Variants in GSDMC observed in about 807,000 individuals in gnomAD.
The protein encoded by GSDMC is gasdermin C.
In GSDMC, 59 loss-of-function variants were observed where a neutral mutation model predicts 58.0. The observed-to-expected ratio is 1.02, with a 90% confidence interval of 0.82 to 1.26. The LOEUF (loss-of-function observed/expected upper bound fraction) is 1.26, where lower values mean the gene tolerates loss of function less well. GSDMC is among the 50% of genes most tolerant of loss of function. The probability of loss-of-function intolerance (pLI) is 0.00; values close to 1 mark genes in which losing one functional copy is unlikely to be tolerated. For missense variants in GSDMC, 659 were observed against 598.5 expected (o/e 1.10, Z -1.06); for synonymous variants, 241 against 220.2 (o/e 1.09, Z -0.83).
chr8:129,708,544 T>C, the GSDMC span, among the ~76,000 whole-genome samples: 1 of 152,240 alleles, frequency 6.6e-6, no homozygotes, highest in African/African-American at 2.4e-5. Flanking sequence ...AACATTCTTA[T>C]ATTCACCAGG....
intron 1 of GSDMC, among the ~76,000 whole-genome samples, chr8:129,781,816 C>G (rs1385549592): frequency 6.6e-6 from 1 of 151,158 alleles, no homozygotes; most frequent in Non-Finnish European, 1.5e-5. Flanking sequence ...ATCTCCCAGA[C>G]AGAAAATCAA....
At chr8:129,716,911 G>A in the GSDMC span, among the ~76,000 whole-genome samples, 1 of 152,284 alleles carries the variant, frequency 6.6e-6, no homozygotes, top group South Asian at 2.1e-4. Flanking sequence ...TCATATGATG[G>A]ATTACATTTA....
Position 129,786,126 on chromosome 8 carries a change from A to G in GSDMC, c.-120T>C, listed in dbSNP as rs1188992495. Reference sequence around the variant, plus strand: ...GAGGCCGGTGGATCACGAGGTCAGGAGTTCAAGATCAGCCAGGCCAAGATG... The same window carrying G: ...GAGGCCGGTGGATCACGAGGTCAGGGGTTCAAGATCAGCCAGGCCAAGATG... On this transcript the variant is annotated 5_prime_UTR_variant, in exon 1 of 14. Coordinates refer to ENST00000276708, the MANE Select transcript of GSDMC (RefSeq NM_031415.3). 1 of 152,118 alleles carries G rather than the reference A, an allele frequency of 6.6e-6. No individual in the cohort carries two copies. Among genetic ancestry groups the G allele is most frequent in the South Asian group, 2.1e-4 (1 of 4,820 alleles). 9.4% of individuals were successfully genotyped at this position (152,118 alleles called of 1,614,324 possible).
the GSDMC span, chr8:129,729,237 G>T: frequency 1.6e-6 from 1 of 637,758 alleles, no homozygotes; most frequent in South Asian, 1.5e-5. Context: ...TATTTTCCAA[G>T]TGAAATAGGT....
At chr8:129,709,593 TA>T in the GSDMC span, among the ~76,000 whole-genome samples, 3 of 90,388 alleles carry the variant, frequency 3.3e-5, no homozygotes, top group Non-Finnish European at 8.0e-5. Context: ...AGATAGATGA[TA>T]GATAGATAGA....
chr8:129,730,524 A>G, the GSDMC span: 5 of 476,024 alleles, frequency 1.1e-5, no homozygotes, highest in Non-Finnish European at 1.6e-5. Flanking sequence ...AAATACCATT[A>G]TTCTCTTAAA....
intron 6 of GSDMC, among the ~76,000 whole-genome samples, chr8:129,755,239 T>C (rs2033380359): frequency 6.6e-6 from 1 of 151,930 alleles, no homozygotes; most frequent in African/African-American, 2.4e-5. Context: ...ACAAATAGCA[T>C]ACAATGGAGT....
At chr8:129,762,272 G>A (rs1487196682) in intron 5 of GSDMC, among the ~76,000 whole-genome samples, 1 of 152,234 alleles carries the variant, frequency 6.6e-6, no homozygotes, top group Admixed American at 6.5e-5. Flanking sequence ...CCTTGGGTAA[G>A]CCTCTGTGGC....
intron 3 of GSDMC, among the ~76,000 whole-genome samples, chr8:129,766,231 A>T (rs992414948): frequency 1.2e-4 from 18 of 152,206 alleles, no homozygotes; most frequent in Non-Finnish European, 2.4e-4. Context: ...GAGCAGACAG[A>T]TAAAGTGGAA....
At chr8:129,728,754 T>C in the GSDMC span, 1 of 493,116 alleles carries the variant, frequency 2.0e-6, no homozygotes, top group Non-Finnish European at 3.8e-6. Context: ...CAGTGCGATA[T>C]AAAACTTGCC....
At chr8:129,784,787 T>A (rs964344960) in intron 1 of GSDMC, among the ~76,000 whole-genome samples, 1 of 152,234 alleles carries the variant, frequency 6.6e-6, no homozygotes, top group Non-Finnish European at 1.5e-5. Context: ...AAGAGATATC[T>A]TCACTCCCAT....
At chr8:129,770,826 T>C (rs2034022275) in intron 3 of GSDMC, among the ~76,000 whole-genome samples, 1 of 151,764 alleles carries the variant, frequency 6.6e-6, no homozygotes. Context: ...TTTTCCAAAC[T>C]AAAGACAGAG....
At chr8:129,782,229 A>G (rs2034435827) in intron 1 of GSDMC, among the ~76,000 whole-genome samples, 1 of 152,162 alleles carries the variant, frequency 6.6e-6, no homozygotes, top group African/African-American at 2.4e-5. Context: ...AAAGAGGGAA[A>G]TTTATAGCTA....
At chr8:129,751,816 T>G in intron 9 of GSDMC, 46 bp downstream of exon 9, 1 of 1,578,878 alleles carries the variant, frequency 6.3e-7, no homozygotes, top group Non-Finnish European at 8.7e-7. Context: ...ACCCCATGTG[T>G]GCAGGATGGG....
At chr8:129,741,996 G>T in the GSDMC span, among the ~76,000 whole-genome samples, 1 of 149,148 alleles carries the variant, frequency 6.7e-6, no homozygotes, top group African/African-American at 2.5e-5. Flanking sequence ...TGACAACACA[G>T]ATGAATGTGG....
intron 4 of GSDMC, among the ~76,000 whole-genome samples, chr8:129,763,306 T>G (rs1011470002): frequency 8.5e-5 from 13 of 152,248 alleles, no homozygotes; most frequent in African/African-American, 2.7e-4. Context: ...CTCTGGAATA[T>G]GACTTTATTT....
At chr8:129,759,325 T>A (rs2033568318) in intron 6 of GSDMC, among the ~76,000 whole-genome samples, 1 of 152,042 alleles carries the variant, frequency 6.6e-6, no homozygotes, top group South Asian at 2.1e-4. Context: ...CAGTAAATAC[T>A]CCACAAGCAC....
the GSDMC span, among the ~76,000 whole-genome samples, chr8:129,741,239 T>C: frequency 6.6e-6 from 1 of 152,156 alleles, no homozygotes; most frequent in African/African-American, 2.4e-5. Context: ...TTGTTTTGAT[T>C]ATAATATCTT....
chr8:129,756,821 A>G (rs1278715563), intron 6 of GSDMC, among the ~76,000 whole-genome samples: 1 of 152,172 alleles, frequency 6.6e-6, no homozygotes, highest in African/African-American at 2.4e-5. Context: ...GGTCAAGGAA[A>G]ACATTAATAA....
Sources: allele counts gnomAD v4.1 joint callset (sites outside exome capture counted in the v4.1 genomes callset), GRCh38; gene constraint gnomAD v4.1.1; transcripts MANE v1.5; gene names NCBI Gene and HGNC (gene_info 2026-07-23, HGNC 2026-07-21).